The following TMEFF1 variants were observed in gnomAD, a reference collection of about 807,000 sequenced individuals.
TMEFF1 encodes the protein transmembrane protein with EGF like and two follistatin like domains 1.
In TMEFF1, 20 loss-of-function variants were observed where a neutral mutation model predicts 47.5. The observed-to-expected ratio is 0.42, with a 90% CI of 0.30 to 0.61. TMEFF1 has a LOEUF of 0.61. Ranked by LOEUF, TMEFF1 falls within the 20% of genes least tolerant of loss-of-function variation. The pLI is 0.19. For synonymous variants in TMEFF1, 162 were observed against 166.3 expected (o/e 0.97, Z 0.20); for missense variants, 411 against 471.1 (o/e 0.87, Z 1.18).
At chr9:100,527,150 A>T (rs572448585) in intron 5 of TMEFF1, among the ~76,000 whole-genome samples, 1 of 151,958 alleles carries the variant, frequency 6.6e-6, no homozygotes, top group Non-Finnish European at 1.5e-5. Context: ...CTTAAAAAAA[A>T]AAAACAAAAC....
chr9:100,508,026 AT>A (rs1160490498), intron 2 of TMEFF1, among the ~76,000 whole-genome samples: 2 of 152,200 alleles, frequency 1.3e-5, no homozygotes, highest in African/African-American at 4.8e-5. Context: ...GAATTTTTTA[AT>A]AGCCAATTTT....
At chr9:100,524,912 C>T (rs1424614702) in intron 5 of TMEFF1, among the ~76,000 whole-genome samples, 2 of 152,098 alleles carry the variant, frequency 1.3e-5, no homozygotes, top group Non-Finnish European at 2.9e-5. Context: ...CCTGGCAGGC[C>T]CCGGTGTGTG....
At chr9:100,541,349 T>G (rs866776576) in intron 5 of TMEFF1, among the ~76,000 whole-genome samples, 6,196 of 131,682 alleles carry the variant, frequency 0.047, 199 homozygotes, top group African/African-American at 0.089. Flanking sequence ...GGCAATTTCA[T>G]TTTTTTTTTT....
Position 100,576,622 on chromosome 9 carries a change from A to G in TMEFF1, c.*22A>G, listed in dbSNP as rs763400578. On this transcript the variant is annotated 3_prime_UTR_variant, in exon 10 of 10. Transcript: ENST00000374879. ...TTAAACTGATGACTTTTATATGTAC[A>G]CTGACCATGTGATGTACATTTATTA... is the stretch of plus-strand genomic sequence containing the variant. The G allele has an allele frequency of 2.5e-6, 4 of 1,588,346 alleles. No individual in the cohort carries two copies. The highest frequency in any genetic ancestry group is 3.4e-6 in the Non-Finnish European group (4 of 1,171,760).
chr9:100,533,027 G>T (rs1268814725), intron 5 of TMEFF1, among the ~76,000 whole-genome samples: 1 of 142,120 alleles, frequency 7.0e-6, no homozygotes, highest in African/African-American at 2.6e-5. Context: ...TCATAGGTGG[G>T]AATTGAACAA....
intron 5 of TMEFF1, among the ~76,000 whole-genome samples, chr9:100,535,725 C>G (rs1838490014): frequency 6.6e-6 from 1 of 152,232 alleles, no homozygotes; most frequent in Non-Finnish European, 1.5e-5. Flanking sequence ...GATTGTGCCA[C>G]TGCACTCCAG....
In TMEFF1 at chr9:100,473,629, C is replaced by G. The variant is rs569329820; in HGVS notation, c.85C>G (p.Leu29Val). Residue 29 changes from leucine to valine, a missense_variant, in exon 1 of 10, where the codon CTC becomes GTC. Leu to Val is a conservative substitution (Grantham distance 32). Coordinates refer to ENST00000374879, the MANE Select transcript of TMEFF1 (RefSeq NM_003692.5). This position sits in a 1 kb window ranked among gnomAD's most constrained non-coding sequence, Gnocchi z 5.4. ...AFCCYTSVLL[L>V]FAFSLPGSRA... The stretch of plus-strand genomic sequence containing the variant: ...CTGCTGCTACACGTCGGTGCTTCTG[C>G]TCTTCGCCTTCTCTCTGCCCGGGAG... The G allele has an allele frequency of 1.3e-6, 2 of 1,559,490 alleles. No individual in the cohort carries two copies. The highest frequency in any genetic ancestry group is 2.4e-5 in the East Asian group (1 of 41,880).
chr9:100,474,803 C>A (rs371225114), intron 1 of TMEFF1, among the ~76,000 whole-genome samples: 8 of 152,122 alleles, frequency 5.3e-5, no homozygotes, highest in Non-Finnish European at 1.2e-4. Context: ...CTTGCCCCCC[C>A]ACAGCTGTTG....
At chr9:100,475,530 T>A (rs1837206428) in intron 1 of TMEFF1, among the ~76,000 whole-genome samples, 1 of 152,252 alleles carries the variant, frequency 6.6e-6, no homozygotes, top group Non-Finnish European at 1.5e-5. Flanking sequence ...TCAATATTTT[T>A]CCAGCTAATG....
chr9:100,540,735 G>A (rs1334084814), intron 5 of TMEFF1, among the ~76,000 whole-genome samples: 2 of 152,212 alleles, frequency 1.3e-5, no homozygotes, highest in Admixed American at 1.3e-4. Context: ...CAGTACTTGG[G>A]TTTTGTCCTT....
chr9:100,512,950 C>T (rs561335048), intron 3 of TMEFF1, among the ~76,000 whole-genome samples: 1 of 152,048 alleles, frequency 6.6e-6, no homozygotes, highest in South Asian at 2.1e-4. Context: ...TTCTCTCAAG[C>T]TTTAACAAAA....
intron 7 of TMEFF1, among the ~76,000 whole-genome samples, chr9:100,557,229 A>G (rs1202109658): frequency 6.6e-6 from 1 of 151,728 alleles, no homozygotes; most frequent in Non-Finnish European, 1.5e-5. Flanking sequence ...TCATAATCTA[A>G]TTTTAGAACA....
At chr9:100,484,232 A>G (rs1837403248) in intron 1 of TMEFF1, among the ~76,000 whole-genome samples, 1 of 152,054 alleles carries the variant, frequency 6.6e-6, no homozygotes. Flanking sequence ...CTCCATCATC[A>G]TCTTTTTTCT....
At chr9:100,550,589 G>T (rs1325096710) in intron 7 of TMEFF1, among the ~76,000 whole-genome samples, 2 of 152,092 alleles carry the variant, frequency 1.3e-5, no homozygotes, top group African/African-American at 2.4e-5. Flanking sequence ...TAGCTTGGAA[G>T]TCATTTTATT....
At chr9:100,474,936 G>A (rs1192086170) in intron 1 of TMEFF1, among the ~76,000 whole-genome samples, 2 of 152,202 alleles carry the variant, frequency 1.3e-5, no homozygotes, top group African/African-American at 4.8e-5. Context: ...CTGGGGCAAA[G>A]ACAGGCATTC....
At chr9:100,511,251 C>G (rs1445320022) in intron 3 of TMEFF1, among the ~76,000 whole-genome samples, 3 of 152,156 alleles carry the variant, frequency 2.0e-5, no homozygotes, top group Non-Finnish European at 4.4e-5. Flanking sequence ...TTATGTTTCA[C>G]TTATGAGGAG....
intron 4 of TMEFF1, among the ~76,000 whole-genome samples, chr9:100,516,330 G>T (rs1218515757): frequency 6.6e-6 from 1 of 152,116 alleles, no homozygotes; most frequent in Non-Finnish European, 1.5e-5. Context: ...GGTAATCACA[G>T]GACTTAAATG....
rs749161250 is a variant in TMEFF1, at chr9:100,576,559, C to G, written c.1102C>G (p.Leu368Val). The G allele has an allele frequency of 2.5e-6, 4 of 1,613,266 alleles. No homozygotes were observed. The South Asian group carries it at 3.3e-5, about 13-fold the overall frequency. Reference protein sequence around the residue: ...NNRGRRQKQNLGHFTSDTSSR... With the variant: ...NNRGRRQKQNVGHFTSDTSSR... ...TAGAGGACGTCGACAGAAGCAAAAC[C>G]TAGGTCATTTTACTTCAGATACGTC... Residue 368 changes from leucine (L) to valine (V), a missense_variant, in exon 10 of 10, where the codon CTA (leucine) becomes GTA (valine). By Grantham distance (32) the Leu-to-Val change is conservative. Transcript: ENST00000374879.
At chr9:100,518,654 A>C in intron 5 of TMEFF1, 2 of 253,378 alleles carry the variant, frequency 7.9e-6, no homozygotes, top group Non-Finnish European at 1.2e-5. Flanking sequence ...AAGAGACAAA[A>C]GGAAATGTTG....
Sources: gnomAD v4.1 joint callset for allele counts (sites outside exome capture counted in the v4.1 genomes callset) on GRCh38, gnomAD v4.1.1 for gene constraint, Gnocchi (gnomAD v3.1) non-coding constraint, MANE v1.5 for transcripts, NCBI Gene and HGNC (gene_info 2026-07-23, HGNC 2026-07-21) for gene names.